SLC43A2: variants seen among roughly 807,000 people sequenced by gnomAD.
SLC43A2 encodes the protein solute carrier family 43 member 2.
In SLC43A2, 38 loss-of-function variants were observed where a neutral mutation model predicts 63.2. The observed-to-expected ratio is 0.60, with a 90% CI of 0.46 to 0.79. SLC43A2 has a LOEUF of 0.79. Among genes scored for constraint, SLC43A2 ranks in the 30% least tolerant of loss-of-function variants. The pLI is 0.00. For missense variants in SLC43A2, 644 were observed against 756.2 expected, an observed-to-expected ratio of 0.85 and a Z score of 1.74; for synonymous variants, 322 against 331.0, an observed-to-expected ratio of 0.97 and a Z score of 0.30.
Position 1,573,492 on chromosome 17 carries a change from T to C in SLC43A2, c.*2112A>G, listed in dbSNP as rs2075876888. The C allele has an allele frequency of 1.3e-5, 2 of 152,268 alleles. No individual in the cohort carries two copies. The highest frequency in any genetic ancestry group is 4.8e-5 in the African/African-American group (2 of 41,458). 9.4% of individuals were successfully genotyped at this position (152,268 alleles called of 1,614,324 possible). On this transcript the variant is annotated 3_prime_UTR_variant, in exon 14 of 14. Transcript: ENST00000301335. ...GGCAAAGTGCTGTCAGTGCTGGCTG[T>C]AAGGAAACAGGCTTGACTTTTAACT...
chr17:1,578,197 C>G lies in SLC43A2; in HGVS notation c.1424+53G>C, dbSNP rs988254608. ...CTCAGTCCCACCAGCAACCTCCCCC[C>G]GGCCATTCCCACACCCTCGCCCACC... On this transcript the variant is annotated intron_variant, in intron 12 of 13. Transcript: ENST00000301335. The surrounding 1 kb of genome is among the most constrained non-coding windows in gnomAD (Gnocchi z 6.5). 2.2e-5 allele frequency: 34 copies of G among 1,569,536 alleles called. No homozygotes were observed. Among genetic ancestry groups the G allele is most frequent in the African/African-American group, 2.7e-5 (2 of 74,016 alleles).
At chr17:1,620,163 G>C (rs1908025283) in intron 2 of SLC43A2, among the ~76,000 whole-genome samples, 1 of 152,172 alleles carries the variant, frequency 6.6e-6, no homozygotes, top group African/African-American at 2.4e-5. Flanking sequence ...TCAGGAGTTT[G>C]AGACCAGCCT....
chr17:1,577,770 A>G lies in SLC43A2; in HGVS notation c.1424+480T>C, dbSNP rs1190322517. Among the ~76,000 whole-genome samples the G allele has an allele frequency of 2.0e-5, 3 of 152,194 alleles. No individual in the cohort carries two copies. The highest frequency in any genetic ancestry group is 4.1e-4 in the South Asian group (2 of 4,832). ...ATTTTAGCCAGGGCTGGAGAAAGCT[A>G]TGGCCAGAGCTGGGCGCACTGAGGC... On this transcript the variant is annotated intron_variant, in intron 12 of 13. Coordinates refer to ENST00000301335, the MANE Select transcript of SLC43A2 (RefSeq NM_152346.3). The surrounding 1 kb of genome is among the most constrained non-coding windows in gnomAD (Gnocchi z 4.9).
intron 2 of SLC43A2, among the ~76,000 whole-genome samples, chr17:1,620,249 C>T (rs1417263931): frequency 6.6e-6 from 1 of 152,124 alleles, no homozygotes; most frequent in Non-Finnish European, 1.5e-5. Context: ...GTACCCGTAA[C>T]CCCAACTACT....
At chr17:1,614,868 G>C (rs1050270253) in intron 4 of SLC43A2, 111 bp downstream of exon 4, 12 of 1,088,422 alleles carry the variant, frequency 1.1e-5, no homozygotes, top group East Asian at 5.1e-5. Flanking sequence ...CCTCTAACTT[G>C]AGCAGGGAGC....
At chr17:1,616,306 T>G in intron 3 of SLC43A2, 1 of 526,164 alleles carries the variant, frequency 1.9e-6, no homozygotes, top group Non-Finnish European at 3.4e-6. Flanking sequence ...GGGAAACACA[T>G]GTTCTTAGTG....
chr17:1,591,735 G>GGGGGGGGGGGGTGGGA, intron 6 of SLC43A2, 36 bp from the exon 7 acceptor site: 1 of 652,928 alleles, frequency 1.5e-6, no homozygotes, highest in Non-Finnish European at 2.5e-6. Context: ...GGGGGGGGGA[G>GGGGGGGGGGGGTGGGA]GGGGCAGAGT....
Position 1,583,227 on chromosome 17 carries a change from G to C in SLC43A2, c.1327C>G (p.Leu443Val). 2 of 1,614,108 alleles carry C rather than the reference G, an allele frequency of 1.2e-6. No homozygotes were observed. Among genetic ancestry groups the C allele is most frequent in the Non-Finnish European group, 1.7e-6 (2 of 1,180,018 alleles). Residue 443 changes from leucine (L) to valine (V), a missense_variant, in exon 11 of 14, where the codon CTC becomes GTC. By Grantham distance (32) the Leu-to-Val change is conservative (BLOSUM62 1). Coordinates refer to ENST00000301335, the MANE Select transcript of SLC43A2 (RefSeq NM_152346.3). The surrounding 1 kb of genome is among the most constrained non-coding windows in gnomAD (Gnocchi z 5.5). ...ACCTGGAGAGGCAGGTTGGGAATGA[G>C]GCAGGTCACCCCAAAGCCCACGAGC... Reference protein sequence around the residue: ...LLLVGFGVTCLIPNLPLQILS... With the variant: ...LLLVGFGVTCVIPNLPLQILS...
chr17:1,616,469 G>A, intron 3 of SLC43A2, 93 bp downstream of exon 3: 1 of 1,267,302 alleles, frequency 7.9e-7, no homozygotes, highest in Non-Finnish European at 1.1e-6. Flanking sequence ...CAGTACACCT[G>A]ATATCAGGTA....
chr17:1,576,375 C>A (rs899030211), intron 13 of SLC43A2, among the ~76,000 whole-genome samples: 1 of 152,116 alleles, frequency 6.6e-6, no homozygotes, highest in Non-Finnish European at 1.5e-5. Flanking sequence ...TGAGCCACCG[C>A]GCCCGGCCCA....
Position 1,616,555 on chromosome 17 carries a change from C to T in SLC43A2, c.368+7G>A. 1 of 1,606,014 alleles carries T rather than the reference C, an allele frequency of 6.2e-7. No individual in the cohort carries two copies. Among genetic ancestry groups the T allele is most frequent in the South Asian group, 1.1e-5 (1 of 89,816 alleles). ...CACTCCCTGCCCCCTAAGGGACCCA[C>T]ACTGACCTGCCCAGCAGCCTGAGCT... On this transcript the variant is annotated splice_region_variant and intron_variant, in intron 3 of 13. Coordinates refer to ENST00000301335, the MANE Select transcript of SLC43A2 (RefSeq NM_152346.3).
rs2151066131 is a variant in SLC43A2 at position 1,606,658 on chromosome 17, G to C, written c.501+6537C>G. On this transcript the variant is annotated intron_variant, in intron 5 of 13. Transcript: ENST00000301335. The surrounding 1 kb of genome is among the most constrained non-coding windows in gnomAD (Gnocchi z 4.7). Reference sequence around the variant, plus strand: ...CCGTGTTTGTGCTCCAGCCGATGAAGCGAGTGCAAAGGGCTGTACAAACGC... The same window carrying C: ...CCGTGTTTGTGCTCCAGCCGATGAACCGAGTGCAAAGGGCTGTACAAACGC... Among the ~76,000 whole-genome samples, 1 of 152,376 alleles carries C rather than the reference G, an allele frequency of 6.6e-6. No homozygotes were observed. The highest frequency in any genetic ancestry group is 2.1e-4 in the South Asian group (1 of 4,832).
chr17:1,582,143 G>A (rs186710811), intron 11 of SLC43A2, among the ~76,000 whole-genome samples: 15 of 149,440 alleles, frequency 1.0e-4, no homozygotes, highest in South Asian at 2.1e-4. Context: ...GCAGTGGCGC[G>A]ATCTCAGTTC....
chr17:1,586,207 T>G (rs936138838), intron 9 of SLC43A2, 156 bp from the exon 10 acceptor site: 1 of 1,212,292 alleles, frequency 8.2e-7, no homozygotes, highest in Non-Finnish European at 1.1e-6. Flanking sequence ...CCCGGAGACC[T>G]TAACTCTGAA....
chr17:1,597,558 G>A (rs1007418484), intron 5 of SLC43A2, among the ~76,000 whole-genome samples: 2 of 150,354 alleles, frequency 1.3e-5, no homozygotes, highest in African/African-American at 4.9e-5. Flanking sequence ...CCAGCACTTT[G>A]GGAGGCCAAG....
In SLC43A2 at chr17:1,586,088, C is replaced by A; in HGVS notation, c.1079-37G>T. On this transcript the variant is annotated intron_variant, in intron 9 of 13. Coordinates refer to ENST00000301335, the MANE Select transcript of SLC43A2 (RefSeq NM_152346.3). ...GGCGCTGCGTCATGGGGACGCCTGG[C>A]AGACAGCCCTGGAGCAGGGACTGGG... 4 of 1,543,178 alleles carry A rather than the reference C, an allele frequency of 2.6e-6. No individual in the cohort carries two copies. Among genetic ancestry groups the A allele is most frequent in the Non-Finnish European group, 3.5e-6 (4 of 1,142,986 alleles).
chr17:1,583,314 G>A lies in SLC43A2; in HGVS notation c.1240C>T (p.Arg414Trp), dbSNP rs774875288. 1.7e-5 allele frequency: 27 copies of A among 1,614,016 alleles called. 1 individual carries two copies. In the Middle Eastern group the frequency reaches 6.6e-4, roughly 39 times the overall value. ...ANQGEKKKKK[R>W]DRQIQKITNA... Reference sequence around the variant, plus strand: ...GTGATCTTCTGGATCTGCCGGTCCCGCTTCTTCTTTTTCTTCTCGCCTCTG... The same window carrying A: ...GTGATCTTCTGGATCTGCCGGTCCCACTTCTTCTTTTTCTTCTCGCCTCTG... Residue 414 changes from arginine to tryptophan, a missense_variant, in exon 11 of 14, where the codon CGG becomes TGG. Physicochemically the swap from Arg to Trp is moderately radical, Grantham distance 101. Around this residue, in one of 3 missense-constraint regions of SLC43A2, gnomAD observed 528 missense variants for 623.6 expected, o/e 0.85. Transcript: ENST00000301335. The surrounding 1 kb of genome is among the most constrained non-coding windows in gnomAD (Gnocchi z 5.5).
chr17:1,609,552 A>C (rs945200682), intron 5 of SLC43A2, among the ~76,000 whole-genome samples: 2 of 152,194 alleles, frequency 1.3e-5, no homozygotes, highest in Non-Finnish European at 2.9e-5. Context: ...ATTTTAAAAC[A>C]TGCTAATCCT....
rs2075891624 is a variant in SLC43A2 at position 1,574,558 on chromosome 17, G to A, written c.*1046C>T. The A allele has an allele frequency of 6.6e-6, 1 of 152,504 alleles. No individual in the cohort carries two copies. The highest frequency in any genetic ancestry group is 1.5e-5 in the Non-Finnish European group (1 of 68,072). 9.4% of individuals were successfully genotyped at this position (152,504 alleles called of 1,614,324 possible). A position where few individuals can be genotyped will look rare whatever the true frequency, so the allele number is the denominator to read the frequency against. ...GGGCAGTCAAGGTGGGCGGGTTGGT[G>A]GGCCAGGCGGACGGGCCTCCCCCGT... On this transcript the variant is annotated 3_prime_UTR_variant, in exon 14 of 14. Coordinates refer to ENST00000301335, the MANE Select transcript of SLC43A2 (RefSeq NM_152346.3).
Sources: gnomAD v4.1 joint callset for allele counts (sites outside exome capture counted in the v4.1 genomes callset) on GRCh38, gnomAD v4.1.1 for gene constraint, gnomAD v4.1.1 regional missense constraint, Gnocchi (gnomAD v3.1) non-coding constraint, MANE v1.5 for transcripts, NCBI Gene and HGNC (gene_info 2026-07-23, HGNC 2026-07-21) for gene names.